CHRNA3: variants seen among roughly 807,000 people sequenced by gnomAD.
CHRNA3 encodes the protein neuronal acetylcholine receptor subunit alpha-3.
In CHRNA3, 34 loss-of-function variants were observed where a neutral mutation model predicts 41.9. The observed-to-expected ratio is 0.81, with a 90% CI of 0.62 to 1.08. The LOEUF (loss-of-function observed/expected upper bound fraction) is 1.08. Among genes scored for constraint, CHRNA3 ranks in the 50% least tolerant of loss-of-function variants. The pLI is 0.00. For missense variants in CHRNA3, 542 were observed against 638.3 expected (o/e 0.85, Z 1.63); for synonymous variants, 281 against 265.2 (o/e 1.06, Z -0.58).
Position 78,606,679 on chromosome 15 carries a change from A to AG in CHRNA3, c.378-4416dup, listed in dbSNP as rs569737541. ...GGGAGGCCGAGGTGAGTGGATGACG[A>AG]GGTCAGGAGATCGAGACCATCCTGG... On this transcript the variant is annotated intron_variant, in intron 4 of 5. Transcript: ENST00000326828. Among the ~76,000 whole-genome samples the AG allele has an allele frequency of 2.6e-4, 39 of 151,432 alleles. 1 individual carries two copies. In the East Asian group the frequency reaches 7.1e-3, roughly 28 times the overall value.
chr15:78,620,186 GA>G (rs1567095819), intron 1 of CHRNA3: 2 of 152,768 alleles, frequency 1.3e-5, no homozygotes, highest in African/African-American at 2.4e-5. Context: ...ACGCAGCCAG[GA>G]GCGCTAGGAG....
At position 78,620,963 on chromosome 15, in the gene CHRNA3, T is replaced by G; in HGVS notation, c.-169A>C. 1 of 855,124 alleles carries G rather than the reference T, an allele frequency of 1.2e-6. No homozygotes were observed. The highest frequency in any genetic ancestry group is 1.5e-6 in the Non-Finnish European group (1 of 672,808). 53.0% of individuals were successfully genotyped at this position (855,124 alleles called of 1,614,324 possible). A position where few individuals can be genotyped will look rare whatever the true frequency, so the allele number is the denominator to read the frequency against. On this transcript the variant is annotated 5_prime_UTR_variant, in exon 1 of 6. Transcript: ENST00000326828. ...CGCCGCCGCTGGGTTTCCAGCGCCC[T>G]CGGACCCGCGGGAGGACAGGAACCA...
intron 5 of CHRNA3, among the ~76,000 whole-genome samples, chr15:78,600,777 G>T (rs1183058341): frequency 6.6e-6 from 1 of 151,144 alleles, no homozygotes; most frequent in Admixed American, 6.6e-5. Flanking sequence ...ACTGAGGTGG[G>T]AGAATCGCTT....
intron 5 of CHRNA3, chr15:78,599,993 G>C (rs1408937607): frequency 7.9e-6 from 1 of 126,908 alleles, no homozygotes; most frequent in Non-Finnish European, 1.7e-5. Context: ...CTCCATTCTG[G>C]GTGACAGAGC....
intron 4 of CHRNA3, among the ~76,000 whole-genome samples, chr15:78,615,766 C>T (rs1469219417): frequency 6.7e-5 from 8 of 118,738 alleles, no homozygotes; most frequent in South Asian, 2.8e-4. Context: ...TTTTTTGAGA[C>T]GGAGTCTCAC....
At position 78,620,777 on chromosome 15, in the gene CHRNA3, G is replaced by A; in HGVS notation, c.18C>T (p.Leu6=). The stretch of plus-strand genomic sequence containing the variant: ...GCGGCGACAGCGCCAGGGGCAGCGA[G>A]AGCGGGCCAGAGCCCATGGCTGGTG... The part of the protein sequence containing the change: MGSGP[L]SLPLALSPPR... Residue 6 remains leucine (L), a synonymous_variant, in exon 1 of 6, where the codon CTC becomes CTT. Coordinates refer to ENST00000326828, the MANE Select transcript of CHRNA3 (RefSeq NM_000743.5). 1 of 1,481,026 alleles carries A rather than the reference G, an allele frequency of 6.8e-7. No individual in the cohort carries two copies. The highest frequency in any genetic ancestry group is 8.9e-7 in the Non-Finnish European group (1 of 1,123,416). The allele number at this position is 1,481,026 out of a possible 1,614,324, so 91.7% of individuals were successfully genotyped here.
chr15:78,619,933 G>A (rs1388331950), intron 1 of CHRNA3: 2 of 152,400 alleles, frequency 1.3e-5, no homozygotes, highest in African/African-American at 4.8e-5. Flanking sequence ...GTTCTGAGTA[G>A]TGCAGGCCTC....
intron 4 of CHRNA3, among the ~76,000 whole-genome samples, chr15:78,608,282 C>T (rs913064758): frequency 1.3e-5 from 2 of 152,334 alleles, no homozygotes; most frequent in African/African-American, 4.8e-5. Context: ...GGGTCCCTGA[C>T]CCCCGAGCAG....
chr15:78,601,734 A>AG lies in CHRNA3; in HGVS notation c.907dup (p.Leu303ProfsTer116), dbSNP rs1491251643. 1 of 1,613,238 alleles carries AG rather than the reference A, an allele frequency of 6.2e-7. No homozygotes were observed. The highest frequency in any genetic ancestry group is 1.3e-5 in the African/African-American group (1 of 74,886). On this transcript the variant is annotated frameshift_variant, in exon 5 of 6. Coordinates refer to ENST00000326828, the MANE Select transcript of CHRNA3 (RefSeq NM_000743.5). LOFTEE classifies it high-confidence loss of function. ...GGTGAACAGGAGGTACTCTCCAATC[A>AG]GGGGGATGACCAGCGAGGTGGAAGG...
rs2053542990 is a variant in CHRNA3 at position 78,620,982 on chromosome 15, G to A, written c.-188C>T. Reference sequence around the variant, plus strand: ...GCGCCCTCGGACCCGCGGGAGGACAGGAACCATCCGGAGTGAAGCTGCGCC... The same window carrying A: ...GCGCCCTCGGACCCGCGGGAGGACAAGAACCATCCGGAGTGAAGCTGCGCC... On this transcript the variant is annotated 5_prime_UTR_variant, in exon 1 of 6. Transcript: ENST00000326828. 1 of 701,020 alleles carries A rather than the reference G, an allele frequency of 1.4e-6. No individual in the cohort carries two copies. The highest frequency in any genetic ancestry group is 1.9e-5 in the African/African-American group (1 of 53,362). The allele number at this position is 701,020 out of a possible 1,614,324, so 43.4% of individuals were successfully genotyped here.
At chr15:78,617,551 G>T (rs910122978) in intron 3 of CHRNA3, among the ~76,000 whole-genome samples, 2 of 152,172 alleles carry the variant, frequency 1.3e-5, no homozygotes, top group African/African-American at 4.8e-5. Flanking sequence ...CCAAGGTTAA[G>T]CAAGACTGGA....
Position 78,596,655 on chromosome 15 carries a change from T to TA in CHRNA3, c.1466dup (p.Gly490ArgfsTer39). The TA allele has an allele frequency of 6.2e-7, 1 of 1,612,946 alleles. No homozygotes were observed. The highest frequency in any genetic ancestry group is 8.5e-7 in the Non-Finnish European group (1 of 1,179,880). On this transcript the variant is annotated frameshift_variant, in exon 6 of 6. Transcript: ENST00000326828. LOFTEE classifies it high-confidence loss of function. ...GTTGCAGAAACAATCCTGCTGTCCC[T>TA]AGAATGCACACCAGGGTGAAAACCC...
At chr15:78,593,122 G>A (rs150329151), downstream of CHRNA3, 20 of 1,611,958 alleles carry the variant, frequency 1.2e-5, no homozygotes, top group African/African-American at 2.4e-4. Flanking sequence ...CATAGCCCAG[G>A]TTCTTGATCG....
At chr15:78,614,138 G>A (rs1214832811) in intron 4 of CHRNA3, among the ~76,000 whole-genome samples, 7 of 152,100 alleles carry the variant, frequency 4.6e-5, no homozygotes, top group Non-Finnish European at 8.8e-5. Flanking sequence ...ATTTTGCTAC[G>A]CCTCTCATTA....
Position 78,596,410 on chromosome 15 carries a change from G to T in CHRNA3, c.*194C>A. 8.0e-7 allele frequency: 1 copy of T among 1,254,570 alleles called. No individual in the cohort carries two copies. The highest frequency in any genetic ancestry group is 1.0e-6 in the Non-Finnish European group (1 of 1,000,192). 77.7% of individuals were successfully genotyped at this position (1,254,570 alleles called of 1,614,324 possible). On this transcript the variant is annotated 3_prime_UTR_variant, in exon 6 of 6. Transcript: ENST00000326828. Reference sequence around the variant, plus strand: ...ACCATACCAAAAAGGCTAGTTAAATGTTCATTTATCGGTAATAAATACTCT... The same window carrying T: ...ACCATACCAAAAAGGCTAGTTAAATTTTCATTTATCGGTAATAAATACTCT...
At chr15:78,615,726 T>G (rs1203639049) in intron 4 of CHRNA3, among the ~76,000 whole-genome samples, 1 of 148,458 alleles carries the variant, frequency 6.7e-6, no homozygotes. Context: ...ATATTTTGAA[T>G]TCAGGCACCT....
intron 4 of CHRNA3, among the ~76,000 whole-genome samples, chr15:78,606,548 A>G (rs2869545): frequency 3.7e-4 from 57 of 152,220 alleles, no homozygotes; most frequent in Admixed American, 3.5e-3. Flanking sequence ...ATGTATAAAG[A>G]ACTAGCAGAA....
chr15:78,600,826 C>T (rs1443139930), intron 5 of CHRNA3, among the ~76,000 whole-genome samples: 1 of 152,080 alleles, frequency 6.6e-6, no homozygotes, highest in Non-Finnish European at 1.5e-5. Context: ...CAAGATTGCG[C>T]CACTGCACTC....
In CHRNA3 at chr15:78,596,524, G is replaced by A; in HGVS notation, c.*80C>T. Reference sequence around the variant, plus strand: ...AAACAAAGCTGGTAGCTTGATAACAGAAAGTACGTTCTTACTAGGAAGCAG... The same window carrying A: ...AAACAAAGCTGGTAGCTTGATAACAAAAAGTACGTTCTTACTAGGAAGCAG... On this transcript the variant is annotated 3_prime_UTR_variant, in exon 6 of 6. Coordinates refer to ENST00000326828, the MANE Select transcript of CHRNA3 (RefSeq NM_000743.5). The A allele has an allele frequency of 7.4e-7, 1 of 1,351,718 alleles. No individual in the cohort carries two copies. The highest frequency in any genetic ancestry group is 9.6e-7 in the Non-Finnish European group (1 of 1,046,760). The allele number at this position is 1,351,718 out of a possible 1,614,324, so 83.7% of individuals were successfully genotyped here. A position where few individuals can be genotyped will look rare whatever the true frequency, so the allele number is the denominator to read the frequency against.
Sources: gnomAD v4.1 joint callset for allele counts (sites outside exome capture counted in the v4.1 genomes callset) on GRCh38, gnomAD v4.1.1 for gene constraint, MANE v1.5 for transcripts, NCBI Gene and HGNC (gene_info 2026-07-23, HGNC 2026-07-21) for gene names.